Variants in PDE4B observed in about 807,000 individuals in gnomAD.
PDE4B encodes 3',5'-cyclic-AMP phosphodiesterase 4B.
PDE4B carries 20 observed loss-of-function variants against 82.2 expected under a neutral mutation model. That is an observed-to-expected ratio of 0.24 (90% confidence interval 0.17 to 0.35). PDE4B has a LOEUF of 0.35. PDE4B is among the 10% of genes least tolerant of loss of function. The pLI is 1.00. For missense variants in PDE4B, 655 were observed against 907.2 expected (o/e 0.72, Z 3.57); for synonymous variants, 320 against 318.9 (o/e 1.00, Z -0.04).
At chr1:65,894,054 T>C (rs1646881661) in intron 1 of PDE4B, among the ~76,000 whole-genome samples, 1 of 152,062 alleles carries the variant, frequency 6.6e-6, no homozygotes, top group African/African-American at 2.4e-5. Flanking sequence ...TGTACACTGC[T>C]TGGGTGATGG....
chr1:66,247,117 AGTT>A (rs775163494), intron 3 of PDE4B, among the ~76,000 whole-genome samples: 2 of 152,140 alleles, frequency 1.3e-5, no homozygotes, highest in Non-Finnish European at 1.5e-5. Flanking sequence ...ATTATCACCA[AGTT>A]GTTGTATGCC....
Position 66,090,307 on chromosome 1 carries a change from G to T in PDE4B, c.282-157153G>T, listed in dbSNP as rs186556644. ...GCTATAAAGCCTATTTCTTCCAGGG[G>T]TGATACAGCTGGAAATATGCTTAGA... On this transcript the variant is annotated intron_variant, in intron 3 of 16. Coordinates refer to ENST00000341517, the MANE Select transcript of PDE4B (RefSeq NM_002600.4). Among the ~76,000 whole-genome samples, 5 of 152,028 alleles carry T rather than the reference G, an allele frequency of 3.3e-5. 1 individual carries two copies. The highest frequency in any genetic ancestry group is 1.2e-4 in the African/African-American group (5 of 41,508).
chr1:66,116,754 G>C (rs1201240341), intron 3 of PDE4B, among the ~76,000 whole-genome samples: 4 of 152,112 alleles, frequency 2.6e-5, no homozygotes, highest in Non-Finnish European at 5.9e-5. Flanking sequence ...TTGTAGAGAT[G>C]GGGTTTTGCC....
chr1:66,284,542 G>A (rs757903163), intron 7 of PDE4B, among the ~76,000 whole-genome samples: 4 of 152,082 alleles, frequency 2.6e-5, no homozygotes, highest in Admixed American at 6.6e-5. Context: ...CCTGTAGTTC[G>A]ATCTACTCAG....
intron 3 of PDE4B, among the ~76,000 whole-genome samples, chr1:66,151,326 G>C (rs762522128): frequency 6.6e-6 from 1 of 152,080 alleles, no homozygotes; most frequent in Non-Finnish European, 1.5e-5. Flanking sequence ...TCATTAGTCT[G>C]GTTAATGGCT....
chr1:66,370,560 G>T (rs1170952728), intron 16 of PDE4B, among the ~76,000 whole-genome samples: 1 of 152,136 alleles, frequency 6.6e-6, no homozygotes, highest in Non-Finnish European at 1.5e-5. Flanking sequence ...TATCCACTCT[G>T]GTATTTCCCA....
At chr1:66,323,702 A>G (rs1181416333) in intron 7 of PDE4B, among the ~76,000 whole-genome samples, 2 of 152,158 alleles carry the variant, frequency 1.3e-5, no homozygotes, top group Non-Finnish European at 2.9e-5. Context: ...AATAGATACT[A>G]TTATTATTCT....
At position 65,794,049 on chromosome 1, in the gene PDE4B, G is replaced by A. The variant is rs1275306153; in HGVS notation, c.-71+801G>A. ...TCTTAATTACAGTAGTTATATATGT[G>A]TGTGTGTGTGTCTGTGTGTGTCACA... On this transcript the variant is annotated intron_variant, in intron 1 of 16. Coordinates refer to ENST00000341517, the MANE Select transcript of PDE4B (RefSeq NM_002600.4). Among the ~76,000 whole-genome samples, 9 of 152,280 alleles carry A rather than the reference G, an allele frequency of 5.9e-5. No homozygotes were observed. In the South Asian group the frequency reaches 8.3e-4, roughly 14 times the overall value.
chr1:66,106,772 A>G (rs1645368778), intron 3 of PDE4B, among the ~76,000 whole-genome samples: 1 of 146,806 alleles, frequency 6.8e-6, no homozygotes, highest in Non-Finnish European at 1.5e-5. Context: ...TTTCTGTGGG[A>G]TCGGTGGTGA....
chr1:66,211,614 A>G (rs1453225643), intron 3 of PDE4B, among the ~76,000 whole-genome samples: 1 of 152,212 alleles, frequency 6.6e-6, no homozygotes, highest in African/African-American at 2.4e-5. Context: ...ATCTCATTTA[A>G]TCCTCTCAGC....
intron 3 of PDE4B, among the ~76,000 whole-genome samples, chr1:65,920,469 T>C (rs1469269268): frequency 1.3e-5 from 2 of 152,234 alleles, no homozygotes; most frequent in East Asian, 3.8e-4. Flanking sequence ...TCAAAGACAT[T>C]TTGGGAGTTG....
intron 7 of PDE4B, among the ~76,000 whole-genome samples, chr1:66,291,037 C>T (rs1321918967): frequency 6.6e-6 from 1 of 152,158 alleles, no homozygotes; most frequent in Non-Finnish European, 1.5e-5. Flanking sequence ...CAGCTCTCCC[C>T]ACTGCCAAGA....
chr1:65,936,081 A>G (rs921469892), intron 3 of PDE4B, among the ~76,000 whole-genome samples: 4 of 152,014 alleles, frequency 2.6e-5, no homozygotes, highest in Non-Finnish European at 5.9e-5. Flanking sequence ...AAAAACGAAG[A>G]CACAAGCACA....
chr1:66,016,764 T>C, intron 3 of PDE4B, among the ~76,000 whole-genome samples: 1 of 152,252 alleles, frequency 6.6e-6, no homozygotes, highest in East Asian at 1.9e-4. Context: ...TATGTATTTA[T>C]CTTCTAATTT....
In PDE4B at chr1:65,841,282, G is replaced by A. The variant is rs116005021; in HGVS notation, c.-71+48034G>A. On this transcript the variant is annotated intron_variant, in intron 1 of 16. Coordinates refer to ENST00000341517, the MANE Select transcript of PDE4B (RefSeq NM_002600.4). Reference sequence around the variant, plus strand: ...CCACTTCATTCACTCCAGCCTGGGTGATAGAGCGAGACTCTGCCTTCAAAG... The same window carrying A: ...CCACTTCATTCACTCCAGCCTGGGTAATAGAGCGAGACTCTGCCTTCAAAG... Among the ~76,000 whole-genome samples, 538 of 151,856 alleles carry A rather than the reference G, an allele frequency of 3.5e-3. 3 individuals carry two copies. Among genetic ancestry groups the A allele is most frequent in the African/African-American group, 0.012 (514 of 41,386 alleles).
intron 3 of PDE4B, among the ~76,000 whole-genome samples, chr1:66,175,445 C>T (rs1646914568): frequency 6.6e-6 from 1 of 152,090 alleles, no homozygotes; most frequent in South Asian, 2.1e-4. Flanking sequence ...AGACCAGGTC[C>T]CTGTGATGAA....
intron 1 of PDE4B, among the ~76,000 whole-genome samples, chr1:65,879,819 T>C (rs1300434243): frequency 6.6e-6 from 1 of 152,240 alleles, no homozygotes; most frequent in Admixed American, 6.5e-5. Context: ...ACTTAAGGGC[T>C]GTTTACTTCC....
chr1:66,307,985 A>G (rs1475370267), intron 7 of PDE4B, among the ~76,000 whole-genome samples: 2 of 152,104 alleles, frequency 1.3e-5, no homozygotes, highest in African/African-American at 4.8e-5. Flanking sequence ...TATCCTTGTG[A>G]TAATAGGAAA....
At chr1:66,268,886 C>G (rs1655257586) in intron 7 of PDE4B, among the ~76,000 whole-genome samples, 1 of 151,764 alleles carries the variant, frequency 6.6e-6, no homozygotes, top group Non-Finnish European at 1.5e-5. Flanking sequence ...TACTTTAATT[C>G]AAGGCTTCTT....
Sources: gnomAD v4.1 joint callset for allele counts (sites outside exome capture counted in the v4.1 genomes callset) on GRCh38, gnomAD v4.1.1 for gene constraint, MANE v1.5 for transcripts, NCBI Gene and HGNC (gene_info 2026-07-23, HGNC 2026-07-21) for gene names.